KIRREL3: variants seen among roughly 807,000 people sequenced by gnomAD.
The protein encoded by KIRREL3 is kin of IRRE-like protein 3.
Under a neutral mutation model 89.7 loss-of-function variants are expected in KIRREL3, and 36 were observed. That is an observed-to-expected ratio of 0.40 (90% confidence interval 0.31 to 0.53). The LOEUF is 0.53. Ranked by LOEUF, KIRREL3 falls within the 20% of genes least tolerant of loss-of-function variation. KIRREL3 has a pLI of 0.49. For missense variants in KIRREL3, 864 were observed against 1,056.6 expected, an observed-to-expected ratio of 0.82 and a Z score of 2.53; for synonymous variants, 445 against 441.4, an observed-to-expected ratio of 1.01 and a Z score of -0.10.
At position 126,783,536 on chromosome 11, in the gene KIRREL3, G is replaced by A. The variant is rs1950391569; in HGVS notation, c.55+216919C>T. Among the ~76,000 whole-genome samples, 1 of 152,140 alleles carries A rather than the reference G, an allele frequency of 6.6e-6. No homozygotes were observed. The highest frequency in any genetic ancestry group is 2.4e-5 in the African/African-American group (1 of 41,402). ...CCACACTAATGAGGGTCTGTCAAAG[G>A]GACACAGAAGCCAACTGAAAGAGCT... On this transcript the variant is annotated intron_variant, in intron 1 of 16. Transcript: ENST00000525144. The surrounding 1 kb of genome is among the most constrained non-coding windows in gnomAD (Gnocchi z 4.3).
Position 126,710,018 on chromosome 11 carries a change from C to T in KIRREL3, c.56-147106G>A, listed in dbSNP as rs1032380113. Among the ~76,000 whole-genome samples the T allele has an allele frequency of 4.6e-5, 7 of 152,182 alleles. No individual in the cohort carries two copies. Among genetic ancestry groups the T allele is most frequent in the African/African-American group, 1.7e-4 (7 of 41,434 alleles). On this transcript the variant is annotated intron_variant, in intron 1 of 16. Coordinates refer to ENST00000525144, the MANE Select transcript of KIRREL3 (RefSeq NM_032531.4). The surrounding 1 kb of genome is among the most constrained non-coding windows in gnomAD (Gnocchi z 4.2). Reference sequence around the variant, plus strand: ...CCTGCCAGGAAGTTACTGTCACAGCCATTTTAGAGATATAAGATCCAAAGT... The same window carrying T: ...CCTGCCAGGAAGTTACTGTCACAGCTATTTTAGAGATATAAGATCCAAAGT...
At chr11:126,494,220 T>C (rs1957599008) in intron 4 of KIRREL3, among the ~76,000 whole-genome samples, 1 of 152,242 alleles carries the variant, frequency 6.6e-6, no homozygotes, top group Non-Finnish European at 1.5e-5. Flanking sequence ...AGTAGATGAT[T>C]ACTATTACTG....
At chr11:126,745,564 G>A (rs984375789) in intron 1 of KIRREL3, among the ~76,000 whole-genome samples, 4 of 151,718 alleles carry the variant, frequency 2.6e-5, no homozygotes, top group Non-Finnish European at 5.9e-5. Flanking sequence ...TACTTGGTAC[G>A]GCTACTTCCA....
In KIRREL3 at chr11:126,768,133, T is replaced by TCCATCC. The variant is rs1949891419; in HGVS notation, c.56-205222_56-205221insGGATGG. Among the ~76,000 whole-genome samples the TCCATCC allele has an allele frequency of 1.3e-4, 16 of 127,546 alleles. No individual in the cohort carries two copies. The highest frequency in any genetic ancestry group is 4.8e-4 in the African/African-American group (14 of 29,432). 83.7% of individuals were successfully genotyped at this position (127,546 alleles called of 152,430 possible). Reference sequence around the variant, plus strand: ...CTGTCCATCCATCTGTCTATCCATCTATCCATCCATCCATCCATCCATCCA... The same window carrying TCCATCC: ...CTGTCCATCCATCTGTCTATCCATCTCCATCCATCCATCCATCCATCCATCCATCCA... On this transcript the variant is annotated intron_variant, in intron 1 of 16. Transcript: ENST00000525144. This position sits in a 1 kb window ranked among gnomAD's most constrained non-coding sequence, Gnocchi z 4.5.
chr11:126,594,729 G>GA lies in KIRREL3; in HGVS notation c.56-31818_56-31817insT, dbSNP rs1178892806. 6.6e-6 allele frequency among the ~76,000 whole-genome samples: 1 copy of GA among 152,194 alleles called. No homozygotes were observed. The highest frequency in any genetic ancestry group is 1.5e-5 in the Non-Finnish European group (1 of 68,028). On this transcript the variant is annotated intron_variant, in intron 1 of 16. Transcript: ENST00000525144. This position sits in a 1 kb window ranked among gnomAD's most constrained non-coding sequence, Gnocchi z 5.0. ...GCCAACTCTCCTCTGTCCAGCCGCA[G>GA]GTCCTCATAGAAAGGCAGAGACACT...
At chr11:126,725,764 A>G (rs998159759) in intron 1 of KIRREL3, among the ~76,000 whole-genome samples, 3 of 152,198 alleles carry the variant, frequency 2.0e-5, no homozygotes, top group Non-Finnish European at 4.4e-5. Context: ...TCCAGTCTGC[A>G]CAAAGGCAGG....
At chr11:126,958,685 T>G (rs988544639) in intron 1 of KIRREL3, among the ~76,000 whole-genome samples, 2 of 152,214 alleles carry the variant, frequency 1.3e-5, no homozygotes, top group Non-Finnish European at 2.9e-5. Context: ...CCTGTGCACA[T>G]AAAGGCACTC....
rs1363129823 is a variant in KIRREL3, at chr11:126,715,096, A to C, written c.56-152184T>G. On this transcript the variant is annotated intron_variant, in intron 1 of 16. Coordinates refer to ENST00000525144, the MANE Select transcript of KIRREL3 (RefSeq NM_032531.4). The surrounding 1 kb of genome is among the most constrained non-coding windows in gnomAD (Gnocchi z 4.4). ...CTCCTAATGATCAGGTTCTTGTGCA[A>C]GCCTGTGACACTTTCACCTTGTGAC... is the stretch of plus-strand genomic sequence containing the variant. Among the ~76,000 whole-genome samples the C allele has an allele frequency of 6.6e-6, 1 of 152,170 alleles. No individual in the cohort carries two copies. The highest frequency in any genetic ancestry group is 2.4e-5 in the African/African-American group (1 of 41,440).
Position 126,953,885 on chromosome 11 carries a change from T to C in KIRREL3, c.55+46570A>G, listed in dbSNP as rs1948844417. On this transcript the variant is annotated intron_variant, in intron 1 of 16. Coordinates refer to ENST00000525144, the MANE Select transcript of KIRREL3 (RefSeq NM_032531.4). This position sits in a 1 kb window ranked among gnomAD's most constrained non-coding sequence, Gnocchi z 5.2. ...GGTTTTTCTCTGCCTACCACCCGCTTATTTATGTTAATCTGATTTAGATCT... is the reference window on the plus strand; with the variant it reads ...GGTTTTTCTCTGCCTACCACCCGCTCATTTATGTTAATCTGATTTAGATCT... Among the ~76,000 whole-genome samples the C allele has an allele frequency of 6.6e-6, 1 of 152,180 alleles. No homozygotes were observed. Among genetic ancestry groups the C allele is most frequent in the Admixed American group, 6.5e-5 (1 of 15,282 alleles).
intron 1 of KIRREL3, among the ~76,000 whole-genome samples, chr11:126,813,982 C>A (rs1435570076): frequency 6.6e-6 from 1 of 151,972 alleles, no homozygotes; most frequent in South Asian, 2.1e-4. Flanking sequence ...AGACAACCTG[C>A]AGAATGGGAG....
At chr11:126,998,791 T>C (rs7932810) in intron 1 of KIRREL3, among the ~76,000 whole-genome samples, 8,809 of 152,232 alleles carry the variant, frequency 0.058, 707 homozygotes, top group East Asian at 0.42. Flanking sequence ...GATTAAAGCA[T>C]GCACTGGTCC....
chr11:126,858,216 A>G (rs1944593568), intron 1 of KIRREL3, among the ~76,000 whole-genome samples: 1 of 152,212 alleles, frequency 6.6e-6, no homozygotes, highest in African/African-American at 2.4e-5. Context: ...TTCTCTCATT[A>G]ACCTTGAAGG....
chr11:126,748,310 A>G lies in KIRREL3; in HGVS notation c.56-185398T>C, dbSNP rs1949221409. 6.6e-6 allele frequency among the ~76,000 whole-genome samples: 1 copy of G among 152,194 alleles called. No individual in the cohort carries two copies. The highest frequency in any genetic ancestry group is 1.5e-5 in the Non-Finnish European group (1 of 68,020). ...GCAGAAGACAGTGTAAGCCCCAGGA[A>G]ACTGTGACAGCAATAAAAGAACTAA... On this transcript the variant is annotated intron_variant, in intron 1 of 16. Transcript: ENST00000525144. The surrounding 1 kb of genome is among the most constrained non-coding windows in gnomAD (Gnocchi z 4.6).
At position 126,810,478 on chromosome 11, in the gene KIRREL3, CT is replaced by C. The variant is rs1269379890; in HGVS notation, c.55+189976del. 3.0e-4 allele frequency among the ~76,000 whole-genome samples: 45 copies of C among 152,178 alleles called. 1 individual carries two copies. Among genetic ancestry groups the C allele is most frequent in the Non-Finnish European group, 8.8e-5 (6 of 68,036 alleles). On this transcript the variant is annotated intron_variant, in intron 1 of 16. Transcript: ENST00000525144. ...GTAAACCCCCAAGTCCCTTTGGATCCTTCCAGAATCTCGGATTTCCACATGT... is the reference window on the plus strand; with the variant it reads ...GTAAACCCCCAAGTCCCTTTGGATCCTCCAGAATCTCGGATTTCCACATGT...
intron 1 of KIRREL3, among the ~76,000 whole-genome samples, chr11:126,839,538 G>T (rs886976634): frequency 6.6e-6 from 1 of 152,104 alleles, no homozygotes; most frequent in Non-Finnish European, 1.5e-5. Flanking sequence ...AGGAAATGCC[G>T]CATTGGTTCC....
rs1232333733 is a variant in KIRREL3, at chr11:126,903,386, T to C, written c.55+97069A>G. On this transcript the variant is annotated intron_variant, in intron 1 of 16. Transcript: ENST00000525144. The surrounding 1 kb of genome is among the most constrained non-coding windows in gnomAD (Gnocchi z 4.5). ...GAGGCCACTTAAATTCAACTCTCCA[T>C]GGATACAGTGTCTGTGGCAATGTTT... 5.3e-5 allele frequency among the ~76,000 whole-genome samples: 8 copies of C among 152,164 alleles called. No individual in the cohort carries two copies. The highest frequency in any genetic ancestry group is 1.2e-4 in the Non-Finnish European group (8 of 68,018).
intron 13 of KIRREL3, among the ~76,000 whole-genome samples, chr11:126,433,247 C>T (rs554355717): frequency 9.8e-5 from 15 of 152,328 alleles, no homozygotes; most frequent in Non-Finnish European, 1.5e-4. Context: ...GCCTACCCTG[C>T]GTTCGTCAGT....
Position 126,724,848 on chromosome 11 carries a change from T to C in KIRREL3, c.56-161936A>G, listed in dbSNP as rs1157757386. Reference sequence around the variant, plus strand: ...TTTTGAATAACCATAAAAACAACTTTCCTGCATTCCTCTTTATCATAGATC... The same window carrying C: ...TTTTGAATAACCATAAAAACAACTTCCCTGCATTCCTCTTTATCATAGATC... On this transcript the variant is annotated intron_variant, in intron 1 of 16. Transcript: ENST00000525144. The surrounding 1 kb of genome is among the most constrained non-coding windows in gnomAD (Gnocchi z 4.3). 2.0e-5 allele frequency among the ~76,000 whole-genome samples: 3 copies of C among 152,232 alleles called. No homozygotes were observed. The highest frequency in any genetic ancestry group is 4.8e-5 in the African/African-American group (2 of 41,456).
chr11:126,485,179 G>A lies in KIRREL3; in HGVS notation c.434-11713C>T, dbSNP rs528810343. 1.3e-5 allele frequency among the ~76,000 whole-genome samples: 2 copies of A among 152,172 alleles called. No individual in the cohort carries two copies. Among genetic ancestry groups the A allele is most frequent in the Non-Finnish European group, 2.9e-5 (2 of 68,024 alleles). ...TATTTGGCAGCACAATCGCACAGAC[G>A]TGTCTCCAAGGAGGTTGGGGACAGA... On this transcript the variant is annotated intron_variant, in intron 4 of 16. Coordinates refer to ENST00000525144, the MANE Select transcript of KIRREL3 (RefSeq NM_032531.4). This position sits in a 1 kb window ranked among gnomAD's most constrained non-coding sequence, Gnocchi z 5.8.
Sources: allele counts gnomAD v4.1 joint callset (sites outside exome capture counted in the v4.1 genomes callset), GRCh38; gene constraint gnomAD v4.1.1; non-coding constraint Gnocchi (gnomAD v3.1); transcripts MANE v1.5; gene names NCBI Gene and HGNC (gene_info 2026-07-23, HGNC 2026-07-21).